The following ADCY8 variants were observed in gnomAD, a reference collection of about 807,000 sequenced individuals.
The protein encoded by ADCY8 is adenylate cyclase type 8.
Under a neutral mutation model 119.7 loss-of-function variants are expected in ADCY8, and 51 were observed. The observed-to-expected ratio is 0.43, with a 90% CI of 0.34 to 0.54. The LOEUF is 0.54. Among genes scored for constraint, ADCY8 ranks in the 20% least tolerant of loss-of-function variants. The pLI is 0.03. For synonymous variants in ADCY8, 665 were observed against 651.0 expected (o/e 1.02, Z -0.33); for missense variants, 1,383 against 1,598.8 (o/e 0.87, Z 2.30).
At chr8:130,968,812 A>G (rs902063776) in intron 2 of ADCY8, among the ~76,000 whole-genome samples, 3 of 152,236 alleles carry the variant, frequency 2.0e-5, no homozygotes, top group African/African-American at 7.2e-5. Flanking sequence ...CCTGAAAGGT[A>G]TTTAGTCAAA....
rs185928117 is a variant in ADCY8 at position 130,869,556 on chromosome 8, C to T, written c.2110-1610G>A. Among the ~76,000 whole-genome samples the T allele has an allele frequency of 4.2e-3, 575 of 136,362 alleles. 2 individuals carry two copies. Among genetic ancestry groups the T allele is most frequent in the Non-Finnish European group, 6.8e-3 (448 of 66,056 alleles). 89.5% of individuals were successfully genotyped at this position (136,362 alleles called of 152,430 possible). A position where few individuals can be genotyped will look rare whatever the true frequency, so the allele number is the denominator to read the frequency against. On this transcript the variant is annotated intron_variant, in intron 8 of 17. Coordinates refer to ENST00000286355, the MANE Select transcript of ADCY8 (RefSeq NM_001115.3). ...TTTTTGAGACAGAGTCTCGCTCTGT[C>T]GCCCAGGCTGGAGTGCAGTGGTGTG...
chr8:130,802,526 G>T (rs1815813806), intron 14 of ADCY8, among the ~76,000 whole-genome samples: 1 of 152,024 alleles, frequency 6.6e-6, no homozygotes, highest in South Asian at 2.1e-4. Flanking sequence ...CCCTCCAATG[G>T]CTCACCATTG....
At chr8:130,968,817 G>A (rs952130021) in intron 2 of ADCY8, among the ~76,000 whole-genome samples, 1 of 152,160 alleles carries the variant, frequency 6.6e-6, no homozygotes, top group Non-Finnish European at 1.5e-5. Context: ...AAGGTATTTA[G>A]TCAAATGTGA....
At chr8:130,827,833 A>G (rs992938010) in intron 12 of ADCY8, among the ~76,000 whole-genome samples, 1 of 152,206 alleles carries the variant, frequency 6.6e-6, no homozygotes, top group Non-Finnish European at 1.5e-5. Context: ...CTCAGCCTCC[A>G]TTTTAGAACT....
At chr8:130,847,635 T>G (rs1376104346) in intron 10 of ADCY8, 122 bp from the exon 11 acceptor site, 7 of 734,488 alleles carry the variant, frequency 9.5e-6, no homozygotes, top group Admixed American at 2.7e-5. Flanking sequence ...CGAGCCTGGG[T>G]AGACTGAACC....
chr8:131,009,905 A>C (rs1008933309), intron 1 of ADCY8, among the ~76,000 whole-genome samples: 3 of 152,164 alleles, frequency 2.0e-5, no homozygotes, highest in Non-Finnish European at 4.4e-5. Flanking sequence ...GGAGAATAGG[A>C]TGGTAAGGTT....
rs1005308708 is a variant in ADCY8, at chr8:130,993,305, C to T, written c.961-2763G>A. Among the ~76,000 whole-genome samples the T allele has an allele frequency of 3.3e-5, 5 of 152,268 alleles. No individual in the cohort carries two copies. In the East Asian group the frequency reaches 9.6e-4, roughly 29 times the overall value. ...TTTAATAGCACAGCCTCAAAGTATA[C>T]ACTGCAAAATAAGATAAAAGTCTAT... On this transcript the variant is annotated intron_variant, in intron 1 of 17. Coordinates refer to ENST00000286355, the MANE Select transcript of ADCY8 (RefSeq NM_001115.3).
chr8:130,909,877 A>G lies in ADCY8; in HGVS notation c.1482-11T>C. ...CTTGACCGCACATACCTGTTGACAT[A>G]GGTAAATGGAGAGACACATGTATAA... On this transcript the variant is annotated splice_polypyrimidine_tract_variant and intron_variant, in intron 5 of 17. Coordinates refer to ENST00000286355, the MANE Select transcript of ADCY8 (RefSeq NM_001115.3). The G allele has an allele frequency of 6.2e-7, 1 of 1,613,322 alleles. No homozygotes were observed. Among genetic ancestry groups the G allele is most frequent in the South Asian group, 1.1e-5 (1 of 90,990 alleles).
At chr8:131,036,188 AT>A (rs1177947407) in intron 1 of ADCY8, among the ~76,000 whole-genome samples, 1 of 152,042 alleles carries the variant, frequency 6.6e-6, no homozygotes, top group Non-Finnish European at 1.5e-5. Context: ...GGATTCTGTC[AT>A]TTTTTTCTCT....
chr8:130,862,068 A>G (rs1487350398), intron 9 of ADCY8, among the ~76,000 whole-genome samples: 1 of 151,960 alleles, frequency 6.6e-6, no homozygotes, highest in Non-Finnish European at 1.5e-5. Context: ...ACATTGTTAG[A>G]TTTCATTTGC....
chr8:130,846,530 C>CCTT (rs1563689369), intron 11 of ADCY8, among the ~76,000 whole-genome samples: 31 of 131,526 alleles, frequency 2.4e-4, no homozygotes, highest in African/African-American at 9.5e-4. Flanking sequence ...CTCCCTCCCT[C>CCTT]CCTTCCTTCC....
intron 15 of ADCY8, among the ~76,000 whole-genome samples, chr8:130,787,711 T>C (rs1225771605): frequency 6.7e-6 from 1 of 149,926 alleles, no homozygotes; most frequent in African/African-American, 2.5e-5. Context: ...CATGCATTTG[T>C]GTGAGTATGC....
chr8:130,944,659 C>T (rs993818439), intron 3 of ADCY8, among the ~76,000 whole-genome samples: 50 of 152,264 alleles, frequency 3.3e-4, no homozygotes, highest in African/African-American at 8.2e-4. Context: ...CAAAAATGTA[C>T]GAGCATTCAA....
chr8:130,888,715 A>G (rs1285190045), intron 7 of ADCY8, among the ~76,000 whole-genome samples: 4 of 152,020 alleles, frequency 2.6e-5, no homozygotes, highest in Non-Finnish European at 5.9e-5. Flanking sequence ...GCCCTTTGTA[A>G]ATTGCATTTG....
intron 2 of ADCY8, among the ~76,000 whole-genome samples, chr8:130,960,031 G>C (rs1184409972): frequency 1.3e-5 from 2 of 152,102 alleles, no homozygotes; most frequent in African/African-American, 2.4e-5. Flanking sequence ...GGTTAATATA[G>C]AGGGAAGGAA....
intron 3 of ADCY8, among the ~76,000 whole-genome samples, chr8:130,950,667 A>C (rs964254284): frequency 6.6e-6 from 1 of 152,116 alleles, no homozygotes; most frequent in African/African-American, 2.4e-5. Flanking sequence ...TTCCCTAACT[A>C]TTCTGTAATC....
At chr8:130,783,049 G>A (rs945354601) in intron 17 of ADCY8, among the ~76,000 whole-genome samples, 2 of 152,234 alleles carry the variant, frequency 1.3e-5, no homozygotes, top group Non-Finnish European at 2.9e-5. Flanking sequence ...AAATGAGAAT[G>A]TGGACTAGAC....
intron 3 of ADCY8, among the ~76,000 whole-genome samples, chr8:130,948,786 G>A (rs796778346): frequency 5.3e-5 from 8 of 152,198 alleles, no homozygotes; most frequent in African/African-American, 1.9e-4. Context: ...GGGGAAGCGG[G>A]TGGAGCAGCC....
chr8:131,037,598 T>G (rs1824200100), intron 1 of ADCY8, among the ~76,000 whole-genome samples: 1 of 152,050 alleles, frequency 6.6e-6, no homozygotes, highest in South Asian at 2.1e-4. Flanking sequence ...ATAGCTATGC[T>G]TTATCGTGAA....
Sources: allele counts gnomAD v4.1 joint callset (sites outside exome capture counted in the v4.1 genomes callset), GRCh38; gene constraint gnomAD v4.1.1; transcripts MANE v1.5; gene names NCBI Gene and HGNC (gene_info 2026-07-23, HGNC 2026-07-21).